The following DLG4 variants were observed in gnomAD, a reference collection of about 807,000 sequenced individuals.
The protein encoded by DLG4 is disks large homolog 4.
A neutral mutation model predicts 93.8 loss-of-function variants in DLG4; 7 were observed. That is an observed-to-expected ratio of 0.07 (90% CI 0.04 to 0.14). The LOEUF (loss-of-function observed/expected upper bound fraction) is 0.14, where lower values mean the gene tolerates loss of function less well. Ranked by LOEUF, DLG4 falls within the 10% of genes least tolerant of loss-of-function variation. The pLI is 1.00. For synonymous variants in DLG4, 341 were observed against 387.6 expected (o/e 0.88, Z 1.41); for missense variants, 545 against 992.9 (o/e 0.55, Z 6.06).
chr17:7,188,872 G>A lies in DLG4; in HGVS notation c.*1836C>T, dbSNP rs1335745246. Among the ~76,000 whole-genome samples the A allele has an allele frequency of 6.6e-6, 1 of 152,122 alleles. No homozygotes were observed. Among genetic ancestry groups the A allele is most frequent in the Admixed American group, 6.6e-5 (1 of 15,264 alleles). On this transcript the variant is annotated 3_prime_UTR_variant, in exon 20 of 20. Transcript: ENST00000399506. ...CATGCCTGTAATCTTAACACTGTGG[G>A]AGGCCAAGCTGGGCGGATCACCTGA...
intron 1 of DLG4, among the ~76,000 whole-genome samples, chr17:7,214,793 C>T (rs2070840795): frequency 6.6e-6 from 1 of 152,182 alleles, no homozygotes; most frequent in Non-Finnish European, 1.5e-5. Flanking sequence ...TGCTCAGAGA[C>T]GAGAGATTCT....
In DLG4 at chr17:7,187,800, G is replaced by A. The variant is rs1047551114; in HGVS notation, c.*2908C>T. On this transcript the variant is annotated 3_prime_UTR_variant, in exon 20 of 20. Transcript: ENST00000399506. The stretch of plus-strand genomic sequence containing the variant: ...GAAAAACATCAGGGCCAGGTGCAGT[G>A]GCTCACGCCTGTAATCCCAGCACTT... 6.6e-6 allele frequency among the ~76,000 whole-genome samples: 1 copy of A among 152,104 alleles called. No individual in the cohort carries two copies. Among genetic ancestry groups the A allele is most frequent in the African/African-American group, 2.4e-5 (1 of 41,424 alleles).
chr17:7,198,834 T>G (rs1597459189), intron 8 of DLG4, among the ~76,000 whole-genome samples: 2 of 114,952 alleles, frequency 1.7e-5, no homozygotes. Flanking sequence ...GGTGACAGAG[T>G]GAGACTCCAT....
In DLG4 at chr17:7,195,368, C is replaced by T. The variant is rs1453255208; in HGVS notation, c.1301+852G>A. ...CTGGGAGTCAGAACAACCTTGGGGA[C>T]CAACCGGACCCGAGCAGGGAGGAAG... On this transcript the variant is annotated intron_variant, in intron 11 of 19. Coordinates refer to ENST00000399506, the MANE Select transcript of DLG4 (RefSeq NM_001321075.3). The surrounding 1 kb of genome is among the most constrained non-coding windows in gnomAD (Gnocchi z 4.3). Among the ~76,000 whole-genome samples the T allele has an allele frequency of 6.6e-6, 1 of 152,076 alleles. No homozygotes were observed. The highest frequency in any genetic ancestry group is 1.5e-5 in the Non-Finnish European group (1 of 68,016).
chr17:7,219,335 G>A (rs1288942506), upstream of DLG4: 1 of 942,132 alleles, frequency 1.1e-6, no homozygotes, highest in African/African-American at 1.8e-5. Context: ...GGCAAAGACA[G>A]AAGGGAATGT....
At chr17:7,213,876 A>G (rs2070802334) in intron 1 of DLG4, 1 of 470,926 alleles carries the variant, frequency 2.1e-6, no homozygotes, top group South Asian at 1.5e-5. Context: ...CTAGTTTCAT[A>G]TCTGGTAGGA....
intron 2 of DLG4, among the ~76,000 whole-genome samples, chr17:7,207,163 G>A (rs865845759): frequency 6.6e-6 from 1 of 152,020 alleles, no homozygotes; most frequent in Non-Finnish European, 1.5e-5. Context: ...AAGAGGATGA[G>A]AGAGGGGAGG....
In DLG4 at chr17:7,188,727, A is replaced by G. The variant is rs1212898750; in HGVS notation, c.*1981T>C. Among the ~76,000 whole-genome samples the G allele has an allele frequency of 6.6e-6, 1 of 152,150 alleles. No homozygotes were observed. Among genetic ancestry groups the G allele is most frequent in the Non-Finnish European group, 1.5e-5 (1 of 68,032 alleles). On this transcript the variant is annotated 3_prime_UTR_variant, in exon 20 of 20. Transcript: ENST00000399506. The stretch of plus-strand genomic sequence containing the variant: ...GATCACATTTACCCTCACAGTTCAT[A>G]TACATTTCTCCAGTTTTCATCTTTG...
rs2586539 is a variant in DLG4, at chr17:7,191,771, C to G, written c.1976+122G>C. The G allele has an allele frequency of 0.13, 92,639 of 701,518 alleles. 6,827 individuals carry two copies. Among genetic ancestry groups the G allele is most frequent in the South Asian group, 0.21 (8,459 of 39,524 alleles). The allele number at this position is 701,518 out of a possible 1,614,324, so 43.5% of individuals were successfully genotyped here. A position where few individuals can be genotyped will look rare whatever the true frequency, so the allele number is the denominator to read the frequency against. ...CATCCTCTGGGTTCCAGGGATCCCC[C>G]TCAGGGGCTGCTGAAACCGCTGTCC... On this transcript the variant is annotated intron_variant, in intron 18 of 19. Transcript: ENST00000399506. This position sits in a 1 kb window ranked among gnomAD's most constrained non-coding sequence, Gnocchi z 6.6.
Position 7,191,654 on chromosome 17 carries a change from A to C in DLG4, c.1976+239T>G. 3.4e-6 allele frequency: 2 copies of C among 582,712 alleles called. No individual in the cohort carries two copies. The highest frequency in any genetic ancestry group is 2.3e-5 in the South Asian group (1 of 43,178). 36.1% of individuals were successfully genotyped at this position (582,712 alleles called of 1,614,324 possible). On this transcript the variant is annotated intron_variant, in intron 18 of 19. Coordinates refer to ENST00000399506, the MANE Select transcript of DLG4 (RefSeq NM_001321075.3). This position sits in a 1 kb window ranked among gnomAD's most constrained non-coding sequence, Gnocchi z 6.6. ...ATTCCCAACAGCCCTAGAGGCCCTGACTCGCCCCAGCTGGTATGCCCCAGG... is the reference window on the plus strand; with the variant it reads ...ATTCCCAACAGCCCTAGAGGCCCTGCCTCGCCCCAGCTGGTATGCCCCAGG...
intron 19 of DLG4, 60 bp from the exon 20 acceptor site, chr17:7,190,874 G>GGGGGTTGCACCAGCCCAGA: frequency 7.0e-7 from 1 of 1,435,076 alleles, no homozygotes; most frequent in South Asian, 1.1e-5. Context: ...ACCTGGCCAA[G>GGGGGTTGCACCAGCCCAGA]GGGGTTGCAC....
chr17:7,206,391 G>A (rs1241294913), intron 2 of DLG4, among the ~76,000 whole-genome samples: 3 of 151,940 alleles, frequency 2.0e-5, no homozygotes, highest in Admixed American at 1.3e-4. Flanking sequence ...GGCTTCTCCT[G>A]TTCCCCAGGT....
rs2069429726 is a variant in DLG4, at chr17:7,190,469, C to CAG, written c.*238_*239insCT. 1 of 534,018 alleles carries CAG rather than the reference C, an allele frequency of 1.9e-6. No individual in the cohort carries two copies. Among genetic ancestry groups the CAG allele is most frequent in the African/African-American group, 1.9e-5 (1 of 52,538 alleles). 33.1% of individuals were successfully genotyped at this position (534,018 alleles called of 1,614,324 possible). A position where few individuals can be genotyped will look rare whatever the true frequency, so the allele number is the denominator to read the frequency against. On this transcript the variant is annotated 3_prime_UTR_variant, in exon 20 of 20. Transcript: ENST00000399506. ...GATCCTAAGGAGCAAGGGCTCGGAA[C>CAG]AAGGAGCCCAGCTCCCCCCCAGACC...
rs1189409469 is a variant in DLG4 at position 7,188,707 on chromosome 17, C to A, written c.*2001G>T. The stretch of plus-strand genomic sequence containing the variant: ...TGGCTATCAGGAAGCTCAGAGATCA[C>A]ATTTACCCTCACAGTTCATATACAT... On this transcript the variant is annotated 3_prime_UTR_variant, in exon 20 of 20. Coordinates refer to ENST00000399506, the MANE Select transcript of DLG4 (RefSeq NM_001321075.3). Among the ~76,000 whole-genome samples, 1 of 152,168 alleles carries A rather than the reference C, an allele frequency of 6.6e-6. No individual in the cohort carries two copies. The highest frequency in any genetic ancestry group is 6.5e-5 in the Admixed American group (1 of 15,284).
chr17:7,202,185 T>A (rs1433485209), intron 8 of DLG4, among the ~76,000 whole-genome samples: 1 of 152,220 alleles, frequency 6.6e-6, no homozygotes, highest in East Asian at 1.9e-4. Context: ...CAAGCGATCC[T>A]CCAGCCTCAG....
rs766345389 is a variant in DLG4, at chr17:7,196,524, G to A, written c.1135C>T (p.Leu379=). 3.1e-6 allele frequency: 5 copies of A among 1,614,042 alleles called. No individual in the cohort carries two copies. In the East Asian group the frequency reaches 8.9e-5, roughly 29 times the overall value. The change falls in exon 10 of 20, where the codon CTG becomes TTG. Residue 379 remains leucine (L), a synonymous_variant. Coordinates refer to ENST00000399506, the MANE Select transcript of DLG4 (RefSeq NM_001321075.3). This position sits in a 1 kb window ranked among gnomAD's most constrained non-coding sequence, Gnocchi z 8.3. Reference sequence around the variant, plus strand: ...GTGACCGTCTGACCCGCATTCTTCAGGGCAATGGCAGCCTGCTCATGGCTG... The same window carrying A: ...GTGACCGTCTGACCCGCATTCTTCAAGGCAATGGCAGCCTGCTCATGGCTG... ...NASHEQAAIA[L]KNAGQTVTII... is the part of the protein sequence containing the mutation.
At position 7,203,903 on chromosome 17, in the gene DLG4, A is replaced by G; in HGVS notation, c.211-87T>C. ...GGGTGGGAAATGGCTTGGAGCAGCC[A>G]GAGGAGGAAGGCACAGGGTGAGGGG... On this transcript the variant is annotated intron_variant, in intron 4 of 19. Transcript: ENST00000399506. The surrounding 1 kb of genome is among the most constrained non-coding windows in gnomAD (Gnocchi z 7.2). 3 of 1,591,254 alleles carry G rather than the reference A, an allele frequency of 1.9e-6. No individual in the cohort carries two copies. Among genetic ancestry groups the G allele is most frequent in the Non-Finnish European group, 2.6e-6 (3 of 1,168,644 alleles).
rs140617370 is a variant in DLG4, at chr17:7,191,551, C to T, written c.1977-193G>A. On this transcript the variant is annotated intron_variant, in intron 18 of 19. Transcript: ENST00000399506. The surrounding 1 kb of genome is among the most constrained non-coding windows in gnomAD (Gnocchi z 6.6). ...CCCTGCCACCCGCAACCGCCCCAGC[C>T]AGGTGTGGCTACTCCAGGGACATCT... 4.8e-4 allele frequency: 297 copies of T among 619,176 alleles called. 5 individuals are homozygous for T. In the East Asian group the frequency reaches 8.0e-3, roughly 17 times the overall value. The allele number at this position is 619,176 out of a possible 1,614,324, so 38.4% of individuals were successfully genotyped here.
Position 7,188,136 on chromosome 17 carries a change from C to T in DLG4, c.*2572G>A, listed in dbSNP as rs550175325. ...CACCCAGTGAGACATCAAAATCACC[C>T]GGGAGCTTTCCAGAAATGCAGACCC... is the stretch of plus-strand genomic sequence containing the variant. On this transcript the variant is annotated 3_prime_UTR_variant, in exon 20 of 20. Transcript: ENST00000399506. Among the ~76,000 whole-genome samples the T allele has an allele frequency of 7.9e-5, 12 of 151,838 alleles. No homozygotes were observed. In the South Asian group the frequency reaches 8.3e-4, roughly 11 times the overall value.
Sources: allele counts gnomAD v4.1 joint callset (sites outside exome capture counted in the v4.1 genomes callset), GRCh38; gene constraint gnomAD v4.1.1; non-coding constraint Gnocchi (gnomAD v3.1); transcripts MANE v1.5; gene names NCBI Gene and HGNC (gene_info 2026-07-23, HGNC 2026-07-21).